CLCA4: variants seen among roughly 807,000 people sequenced by gnomAD.
The protein encoded by CLCA4 is chloride channel accessory 4.
CLCA4 carries 69 observed loss-of-function variants against 78.9 expected under a neutral mutation model. The observed-to-expected ratio is 0.87, with a 90% CI of 0.72 to 1.07. The LOEUF is 1.07. Ranked by LOEUF, CLCA4 falls within the 50% of genes least tolerant of loss-of-function variation. The probability of loss-of-function intolerance (pLI) is 0.00; values close to 1 mark genes in which losing one functional copy is unlikely to be tolerated. For missense variants in CLCA4, 1,133 were observed against 1,095.8 expected (o/e 1.03, Z -0.48); for synonymous variants, 362 against 375.8 (o/e 0.96, Z 0.42).
Position 86,571,266 on chromosome 1 carries a change from T to C in CLCA4, c.1360+12T>C. The C allele has an allele frequency of 6.2e-7, 1 of 1,602,096 alleles. No individual in the cohort carries two copies. The highest frequency in any genetic ancestry group is 8.5e-7 in the Non-Finnish European group (1 of 1,171,922). On this transcript the variant is annotated intron_variant, in intron 8 of 13. Transcript: ENST00000370563. ...GAGCAAGATAACAGGTAAAACACGA[T>C]CCATTTATTCCAGGCCTTCAATAGT... is the stretch of plus-strand genomic sequence containing the variant.
At chr1:86,549,616 A>G (rs1329928077) in intron 1 of CLCA4, among the ~76,000 whole-genome samples, 4 of 152,214 alleles carry the variant, frequency 2.6e-5, no homozygotes, top group Non-Finnish European at 4.4e-5. Flanking sequence ...GACTAGGAAC[A>G]GGGAGGTTGT....
chr1:86,578,164 C>T (rs1650582185), intron 12 of CLCA4, 92 bp downstream of exon 12: 3 of 1,107,830 alleles, frequency 2.7e-6, no homozygotes, highest in Non-Finnish European at 3.8e-6. Context: ...GATTAAAACT[C>T]AAAATATAGC....
At chr1:86,564,032 A>T (rs1007095668) in intron 4 of CLCA4, among the ~76,000 whole-genome samples, 1 of 152,168 alleles carries the variant, frequency 6.6e-6, no homozygotes, top group African/African-American at 2.4e-5. Flanking sequence ...GGAGTTGGGC[A>T]TGTAAATGGA....
At chr1:86,579,621 G>T in intron 13 of CLCA4, 34 bp downstream of exon 13, 18 of 901,728 alleles carry the variant, frequency 2.0e-5, no homozygotes, top group Non-Finnish European at 2.9e-5. Context: ...TTTGACTTAA[G>T]TAAAAGGTGC....
At chr1:86,559,799 G>A in intron 1 of CLCA4, 133 bp from the exon 2 acceptor site, 3 of 684,750 alleles carry the variant, frequency 4.4e-6, no homozygotes, top group Non-Finnish European at 7.5e-6. Context: ...TTAGAATAAT[G>A]AGACAGAGAC....
intron 11 of CLCA4, 61 bp from the exon 12 acceptor site, chr1:86,577,841 T>C: frequency 6.9e-7 from 1 of 1,453,782 alleles, no homozygotes; most frequent in Non-Finnish European, 9.4e-7. Context: ...GGCCAATTGC[T>C]TGTCTTAGAA....
rs375344741 is a variant in CLCA4, at chr1:86,572,733, A to T, written c.1467+13A>T. 32 of 1,433,338 alleles carry T rather than the reference A, an allele frequency of 2.2e-5. 1 individual carries two copies. Among genetic ancestry groups the T allele is most frequent in the Admixed American group, 8.4e-5 (5 of 59,630 alleles). The allele number at this position is 1,433,338 out of a possible 1,614,324, so 88.8% of individuals were successfully genotyped here. On this transcript the variant is annotated intron_variant, in intron 9 of 13. Coordinates refer to ENST00000370563, the MANE Select transcript of CLCA4 (RefSeq NM_012128.4). ...GAAGTCCCTTCAGGTCAGAGTTCTCATTCCTTGGGTTTTCATGTTCACTTT... is the reference window on the plus strand; with the variant it reads ...GAAGTCCCTTCAGGTCAGAGTTCTCTTTCCTTGGGTTTTCATGTTCACTTT...
chr1:86,568,047 G>A (rs535404042), intron 7 of CLCA4, among the ~76,000 whole-genome samples: 5 of 152,124 alleles, frequency 3.3e-5, no homozygotes, highest in Admixed American at 6.6e-5. Flanking sequence ...TTGAGTTTCT[G>A]TAACATTCAG....
At chr1:86,563,905 G>A (rs1650098287) in intron 4 of CLCA4, 136 bp downstream of exon 4, 1 of 507,342 alleles carries the variant, frequency 2.0e-6, no homozygotes, top group East Asian at 3.3e-5. Context: ...TTTAGAAAGT[G>A]TATCTTTAAG....
At chr1:86,567,349 C>G (rs1650227963) in intron 6 of CLCA4, 75 bp from the exon 7 acceptor site, 1 of 1,180,916 alleles carries the variant, frequency 8.5e-7, no homozygotes, top group South Asian at 1.5e-5. Flanking sequence ...TAAATTCTGT[C>G]CATTCATTTT....
At chr1:86,567,367 C>T in intron 6 of CLCA4, 57 bp from the exon 7 acceptor site, 4 of 1,365,264 alleles carry the variant, frequency 2.9e-6, no homozygotes, top group Non-Finnish European at 4.0e-6. Context: ...TTTATGTGAT[C>T]TTCTATTATT....
At chr1:86,577,789 A>G (rs996142561) in intron 11 of CLCA4, 113 bp from the exon 12 acceptor site, 3 of 750,154 alleles carry the variant, frequency 4.0e-6, no homozygotes, top group African/African-American at 3.5e-5. Context: ...CAAAGGGTCA[A>G]TCTAAAAATA....
intron 1 of CLCA4, among the ~76,000 whole-genome samples, chr1:86,551,529 C>G (rs1340498251): frequency 1.3e-5 from 2 of 152,178 alleles, no homozygotes; most frequent in Non-Finnish European, 2.9e-5. Context: ...CACCTATGAC[C>G]CTACAGATCA....
intron 11 of CLCA4, among the ~76,000 whole-genome samples, chr1:86,576,149 A>AT (rs1341956563): frequency 2.0e-5 from 3 of 151,834 alleles, no homozygotes; most frequent in Admixed American, 6.6e-5. Flanking sequence ...TGGTTGTTGA[A>AT]TTTTTTTGTT....
Position 86,575,592 on chromosome 1 carries a change from T to C in CLCA4, c.1944T>C (p.Asn648=). The part of the protein sequence containing the change: ...GHTEVLELLD[N]GAGADSFKND... The stretch of plus-strand genomic sequence containing the variant: ...CAGAAGTTTTGGAACTTTTGGATAA[T>C]GGTGCAGGTAATTCACAGGTTTTTA... Residue 648 remains asparagine (N), a synonymous_variant, in exon 11 of 14, where the codon AAT becomes AAC. Transcript: ENST00000370563. 2.5e-6 allele frequency: 4 copies of C among 1,611,718 alleles called. No individual in the cohort carries two copies. Among genetic ancestry groups the C allele is most frequent in the Middle Eastern group, 1.7e-4 (1 of 6,034 alleles).
Position 86,578,055 on chromosome 1 carries a change from C to T in CLCA4, c.2105C>T (p.Pro702Leu), listed in dbSNP as rs757773924. 2.5e-6 allele frequency: 4 copies of T among 1,611,284 alleles called. No individual in the cohort carries two copies. The South Asian group carries it at 3.3e-5, about 13-fold the overall frequency. Residue 702 changes from proline (P) to leucine (L), a missense_variant, in exon 12 of 14, where the codon CCA (proline) becomes CTA (leucine). Transcript: ENST00000370563. ...RPPLNRAAYI[P>L]GWVVNGEIEA... ...CCACTGAATAGAGCCGCGTACATACCAGGCTGGGTAGTGAACGGTGAGTAA... is the reference window on the plus strand; with the variant it reads ...CCACTGAATAGAGCCGCGTACATACTAGGCTGGGTAGTGAACGGTGAGTAA...
rs778608788 is a variant in CLCA4 at position 86,560,270 on chromosome 1, G to C, written c.360G>C (p.Gln120His). The C allele has an allele frequency of 1.2e-5, 20 of 1,614,050 alleles. No individual in the cohort carries two copies. The South Asian group carries it at 2.2e-4, about 18-fold the overall frequency. Reference sequence around the variant, plus strand: ...GTAGAGATGAACCATACACCAAGCAGTTCACAGAATGTGGAGAGAAAGGCG... The same window carrying C: ...GTAGAGATGAACCATACACCAAGCACTTCACAGAATGTGGAGAGAAAGGCG... ...LPGRDEPYTK[Q>H]FTECGEKGEY... The change falls in exon 3 of 14, where the codon CAG (glutamine) becomes CAC (histidine). Residue 120 changes from glutamine (Q) to histidine (H), a missense_variant. Coordinates refer to ENST00000370563, the MANE Select transcript of CLCA4 (RefSeq NM_012128.4).
At position 86,565,552 on chromosome 1, in the gene CLCA4, T is replaced by C; in HGVS notation, c.735+101T>C. ...GTGACCTGAGGATTATATATATTGA[T>C]ATAGAGTTCTTTGAACACTGGCTAA... On this transcript the variant is annotated intron_variant, in intron 5 of 13. Coordinates refer to ENST00000370563, the MANE Select transcript of CLCA4 (RefSeq NM_012128.4). The C allele has an allele frequency of 3.2e-6, 3 of 935,104 alleles. No individual in the cohort carries two copies. The South Asian group carries it at 5.0e-5, about 16-fold the overall frequency. The allele number at this position is 935,104 out of a possible 1,614,324, so 57.9% of individuals were successfully genotyped here. A position where few individuals can be genotyped will look rare whatever the true frequency, so the allele number is the denominator to read the frequency against.
chr1:86,565,985 G>C lies in CLCA4; in HGVS notation c.919G>C (p.Val307Leu). ...FSLLKISQRI[V>L]CLVLDKSGSM... ...ATTGCTGAAGATCAGTCAAAGAATT[G>C]TGTGCTTAGTTCTTGATAAGTCTGG... is the stretch of plus-strand genomic sequence containing the variant. The change falls in exon 6 of 14, where the codon GTG becomes CTG. Residue 307 changes from valine to leucine, a missense_variant. Physicochemically the swap from Val to Leu is conservative, Grantham distance 32. Coordinates refer to ENST00000370563, the MANE Select transcript of CLCA4 (RefSeq NM_012128.4). 3 of 1,612,984 alleles carry C rather than the reference G, an allele frequency of 1.9e-6. No individual in the cohort carries two copies. Among genetic ancestry groups the C allele is most frequent in the Non-Finnish European group, 1.7e-6 (2 of 1,179,220 alleles).
Sources: gnomAD v4.1 joint callset for allele counts (sites outside exome capture counted in the v4.1 genomes callset) on GRCh38, gnomAD v4.1.1 for gene constraint, MANE v1.5 for transcripts, NCBI Gene and HGNC (gene_info 2026-07-23, HGNC 2026-07-21) for gene names.